The following EFR3A variants were observed in gnomAD, a reference collection of about 807,000 sequenced individuals.
The protein encoded by EFR3A is EFR3 homolog A.
EFR3A carries 76 observed loss-of-function variants against 104.4 expected under a neutral mutation model. The ratio of observed to expected loss-of-function variants is 0.73; its 90% CI spans 0.60 to 0.88. EFR3A has a LOEUF of 0.88. Ranked by LOEUF, EFR3A falls within the 40% of genes least tolerant of loss-of-function variation. EFR3A has a pLI of 0.00. For synonymous variants in EFR3A, 330 were observed against 330.0 expected (o/e 1.00, Z 0.00); for missense variants, 985 against 1,012.5 (o/e 0.97, Z 0.37).
chr8:131,971,791 T>A (rs1186548467), intron 10 of EFR3A, among the ~76,000 whole-genome samples: 1 of 152,178 alleles, frequency 6.6e-6, no homozygotes, highest in Admixed American at 6.5e-5. Flanking sequence ...TGTAACTTGC[T>A]CCTTTTTCAT....
chr8:131,904,096 C>T lies in EFR3A; in HGVS notation c.-217C>T. ...GCTGACGTAACGGGCGTGGGTCGTC[C>T]GTCGCGCCGCCCGGCGAGGAGTGGG... On this transcript the variant is annotated 5_prime_UTR_variant, in exon 1 of 23. Transcript: ENST00000254624. 2 of 444,378 alleles carry T rather than the reference C, an allele frequency of 4.5e-6. No individual in the cohort carries two copies. The highest frequency in any genetic ancestry group is 7.2e-6 in the Non-Finnish European group (2 of 276,466). 27.5% of individuals were successfully genotyped at this position (444,378 alleles called of 1,614,324 possible).
chr8:131,946,480 T>C lies in EFR3A; in HGVS notation c.216-3T>C. On this transcript the variant is annotated splice_region_variant and splice_polypyrimidine_tract_variant and intron_variant, in intron 3 of 22. Transcript: ENST00000254624. Reference sequence around the variant, plus strand: ...TTTGACATTCTTTTTCTCCTACATGTAGGTATGTTTTGATTGCTATGGAGG... The same window carrying C: ...TTTGACATTCTTTTTCTCCTACATGCAGGTATGTTTTGATTGCTATGGAGG... The C allele has an allele frequency of 6.5e-7, 1 of 1,548,714 alleles. No homozygotes were observed. Among genetic ancestry groups the C allele is most frequent in the Non-Finnish European group, 8.7e-7 (1 of 1,148,736 alleles).
At chr8:131,976,172 A>AGAT (rs1563682408) in intron 11 of EFR3A, 31 bp downstream of exon 11, 1 of 1,331,188 alleles carries the variant, frequency 7.5e-7, no homozygotes, top group South Asian at 1.3e-5. Context: ...TTTGAACTTA[A>AGAT]TCTTGAGTTA....
At chr8:131,940,450 T>G (rs1345587254) in intron 1 of EFR3A, 49 bp from the exon 2 acceptor site, 1 of 1,519,336 alleles carries the variant, frequency 6.6e-7, no homozygotes, top group Admixed American at 2.0e-5. Context: ...CCAGGCCTGT[T>G]TACAATATTA....
At position 131,918,636 on chromosome 8, in the gene EFR3A, A is replaced by G. The variant is rs577830269; in HGVS notation, c.10+14314A>G. On this transcript the variant is annotated intron_variant, in intron 1 of 22. Coordinates refer to ENST00000254624, the MANE Select transcript of EFR3A (RefSeq NM_015137.6). ...CAGTTACTGTTTAATCAGAAAATGT[A>G]ATCATCTCAATTCAAATGAAAATCT... 2.4e-4 allele frequency among the ~76,000 whole-genome samples: 37 copies of G among 152,310 alleles called. No individual in the cohort carries two copies. In the South Asian group the frequency reaches 6.0e-3, roughly 25 times the overall value.
At chr8:131,983,351 G>A (rs1820713571) in intron 14 of EFR3A, among the ~76,000 whole-genome samples, 1 of 152,100 alleles carries the variant, frequency 6.6e-6, no homozygotes, top group African/African-American at 2.4e-5. Context: ...AGTGGGGAGG[G>A]CAAGAGCATG....
At chr8:131,947,050 G>A (rs568725440) in intron 4 of EFR3A, among the ~76,000 whole-genome samples, 1 of 152,072 alleles carries the variant, frequency 6.6e-6, no homozygotes, top group African/African-American at 2.4e-5. Context: ...ATTCTCTTGG[G>A]TATATACTTA....
intron 12 of EFR3A, among the ~76,000 whole-genome samples, chr8:131,977,364 G>C (rs1820377789): frequency 6.6e-6 from 1 of 152,140 alleles, no homozygotes; most frequent in Non-Finnish European, 1.5e-5. Context: ...CCCAGAGACT[G>C]TGAGTGGAAG....
intron 22 of EFR3A, among the ~76,000 whole-genome samples, chr8:132,010,407 G>GATATACATATAT (rs1554610360): frequency 1.2e-5 from 1 of 81,880 alleles, no homozygotes; most frequent in African/African-American, 4.9e-5. Flanking sequence ...TCAAGTATGA[G>GATATACATATAT]ATATATATAT....
In EFR3A at chr8:132,010,801, G is replaced by GGAGGAC; in HGVS notation, c.2372_2373insGAGGAC (p.Ser791delinsArgArgThr). ...TTGTTCTTTTATAGTCCTCCTCCCA[G>GGAGGAC]TCCATCAGGAACACTGACCATTACT... On this transcript the variant is annotated protein_altering_variant, in exon 23 of 23. Coordinates refer to ENST00000254624, the MANE Select transcript of EFR3A (RefSeq NM_015137.6). 3 of 1,612,132 alleles carry GGAGGAC rather than the reference G, an allele frequency of 1.9e-6. No homozygotes were observed. The highest frequency in any genetic ancestry group is 2.5e-6 in the Non-Finnish European group (3 of 1,178,672).
chr8:131,930,989 A>G (rs895967852), intron 1 of EFR3A, among the ~76,000 whole-genome samples: 3 of 152,280 alleles, frequency 2.0e-5, no homozygotes, highest in Admixed American at 2.0e-4. Flanking sequence ...GTCATATGCT[A>G]AATTCTCTAC....
At position 131,994,818 on chromosome 8, in the gene EFR3A, G is replaced by A. The variant is rs201644649; in HGVS notation, c.2066-1588G>A. On this transcript the variant is annotated intron_variant, in intron 18 of 22. Coordinates refer to ENST00000254624, the MANE Select transcript of EFR3A (RefSeq NM_015137.6). Reference sequence around the variant, plus strand: ...TGTTGAACTCAGAAAAGGAGGTGCCGGAATCCTGCTCAGTCACACAAGTAT... The same window carrying A: ...TGTTGAACTCAGAAAAGGAGGTGCCAGAATCCTGCTCAGTCACACAAGTAT... 1.6e-4 allele frequency among the ~76,000 whole-genome samples: 25 copies of A among 152,160 alleles called. No homozygotes were observed. In the East Asian group the frequency reaches 3.9e-3, roughly 24 times the overall value.
intron 10 of EFR3A, among the ~76,000 whole-genome samples, chr8:131,973,342 G>T (rs140171472): frequency 6.6e-6 from 1 of 152,046 alleles, no homozygotes; most frequent in Non-Finnish European, 1.5e-5. Flanking sequence ...TGTTAAATCA[G>T]CTAATCTTGT....
chr8:131,996,814 C>T (rs1466797235), intron 19 of EFR3A, among the ~76,000 whole-genome samples: 1 of 151,970 alleles, frequency 6.6e-6, no homozygotes, highest in Non-Finnish European at 1.5e-5. Context: ...TATACAAAGC[C>T]TGTCATTAAA....
At chr8:131,933,196 A>G (rs968815698) in intron 1 of EFR3A, among the ~76,000 whole-genome samples, 1 of 152,122 alleles carries the variant, frequency 6.6e-6, no homozygotes, top group Non-Finnish European at 1.5e-5. Context: ...TTTTTGCATC[A>G]TTTGATTACT....
intron 2 of EFR3A, among the ~76,000 whole-genome samples, chr8:131,941,687 G>A (rs373266821): frequency 1.3e-5 from 2 of 152,092 alleles, no homozygotes; most frequent in East Asian, 1.9e-4. Context: ...GAAAGTTTTT[G>A]CCTCTAAAGC....
At chr8:132,010,721 A>T in intron 22 of EFR3A, 69 bp from the exon 23 acceptor site, 4 of 1,547,058 alleles carry the variant, frequency 2.6e-6, no homozygotes, top group East Asian at 2.3e-5. Flanking sequence ...CAGATAGTAG[A>T]TAGAATACTC....
At chr8:131,935,282 A>G (rs4736523) in intron 1 of EFR3A, among the ~76,000 whole-genome samples, 64,794 of 151,912 alleles carry the variant, frequency 0.43, 14,145 homozygotes, top group Middle Eastern at 0.56. Context: ...TTGTTTCCTT[A>G]TTTATTTAGG....
At chr8:132,003,569 A>T (rs892932350) in intron 22 of EFR3A, among the ~76,000 whole-genome samples, 2 of 141,088 alleles carry the variant, frequency 1.4e-5, no homozygotes, top group Non-Finnish European at 3.0e-5. Flanking sequence ...TGGGTAATTT[A>T]AAAAAGACCC....
Sources: allele counts gnomAD v4.1 joint callset (sites outside exome capture counted in the v4.1 genomes callset), GRCh38; gene constraint gnomAD v4.1.1; transcripts MANE v1.5; gene names NCBI Gene and HGNC (gene_info 2026-07-23, HGNC 2026-07-21).